The following RAB19 variants were observed in gnomAD, a reference collection of about 807,000 sequenced individuals.
RAB19 encodes the protein ras-related protein Rab-19.
RAB19 carries 21 observed loss-of-function variants against 17.3 expected under a neutral mutation model. The observed-to-expected ratio is 1.21, with a 90% CI of 0.86 to 1.74. The LOEUF is 1.74. RAB19 is among the 40% of genes most tolerant of loss of function. The pLI, the probability that RAB19 is intolerant of heterozygous loss-of-function variation, is 0.00. For missense variants in RAB19, 277 were observed against 286.8 expected (o/e 0.97, Z 0.25); for synonymous variants, 126 against 110.4 (o/e 1.14, Z -0.88).
intron 3 of RAB19, among the ~76,000 whole-genome samples, chr7:140,413,614 A>G (rs551514518): frequency 6.6e-6 from 1 of 152,164 alleles, no homozygotes; most frequent in African/African-American, 2.4e-5. Context: ...GGTGGGGGGA[A>G]TCACTTGAGC....
intron 1 of RAB19, among the ~76,000 whole-genome samples, chr7:140,405,433 G>A (rs1585409829): frequency 6.6e-6 from 1 of 151,954 alleles, no homozygotes; most frequent in South Asian, 2.1e-4. Context: ...TGTTGGCCAA[G>A]CTGATCTTGA....
chr7:140,407,880 CTTTTTTTTTTTTTTTT>C lies in RAB19; in HGVS notation c.201+44_201+59del, dbSNP rs71170993. 1.9e-5 allele frequency: 12 copies of C among 637,322 alleles called. No homozygotes were observed. The Admixed American group carries it at 3.5e-4, about 19-fold the overall frequency. The allele number at this position is 637,322 out of a possible 1,614,324, so 39.5% of individuals were successfully genotyped here. ...GGCACCGGGACGGGACTGGTTCCACCTTTTTTTTTTTTTTTTTTTTTTTTTTCCTTGAGACGGAGTC... is the reference window on the plus strand; with the variant it reads ...GGCACCGGGACGGGACTGGTTCCACCTTTTTTTTTTCCTTGAGACGGAGTC... On this transcript the variant is annotated intron_variant, in intron 2 of 3. Coordinates refer to ENST00000537763, the MANE Select transcript of RAB19 (RefSeq NM_001008749.3).
intron 2 of RAB19, among the ~76,000 whole-genome samples, chr7:140,410,543 G>A (rs959534527): frequency 1.3e-5 from 2 of 151,834 alleles, no homozygotes; most frequent in Non-Finnish European, 1.5e-5. Context: ...AGCCAGGATG[G>A]TCTCGATCTC....
chr7:140,424,159 AT>A (rs201170019), intron 3 of RAB19, among the ~76,000 whole-genome samples: 32,252 of 118,508 alleles, frequency 0.27, 3,726 homozygotes, highest in Middle Eastern at 0.39. Flanking sequence ...CTGGCTGATA[AT>A]TTTTTTTTTT....
rs73735243 is a variant in RAB19, at chr7:140,410,985, A to G, written c.202-889A>G. The stretch of plus-strand genomic sequence containing the variant: ...CCTTTAAAATCAGAACAGTTCGGCC[A>G]GTATTATCACCTTTGCCAGTATTCA... On this transcript the variant is annotated intron_variant, in intron 2 of 3. Coordinates refer to ENST00000537763, the MANE Select transcript of RAB19 (RefSeq NM_001008749.3). 7.9e-4 allele frequency: 1,085 copies of G among 1,367,846 alleles called. 10 individuals carry two copies. In the African/African-American group the frequency reaches 0.014, roughly 18 times the overall value. The allele number at this position is 1,367,846 out of a possible 1,614,324, so 84.7% of individuals were successfully genotyped here. A position where few individuals can be genotyped will look rare whatever the true frequency, so the allele number is the denominator to read the frequency against.
intron 1 of RAB19, among the ~76,000 whole-genome samples, chr7:140,405,945 A>G (rs1334884510): frequency 3.3e-5 from 5 of 152,172 alleles, no homozygotes; most frequent in African/African-American, 1.2e-4. Flanking sequence ...ACTGTCATTA[A>G]AAACCTTTAT....
intron 1 of RAB19, among the ~76,000 whole-genome samples, chr7:140,404,942 G>A (rs1585409188): frequency 6.6e-6 from 1 of 152,218 alleles, no homozygotes; most frequent in Non-Finnish European, 1.5e-5. Context: ...AAACCTCATG[G>A]AGGGAGGTGT....
At chr7:140,411,681 A>G (rs6976288) in intron 2 of RAB19, 193 bp from the exon 3 acceptor site, 101,056 of 1,345,604 alleles carry the variant, frequency 0.075, 4,261 homozygotes, top group South Asian at 0.14. Context: ...GTCGTTCCCC[A>G]ACCAAGGAGG....
intron 1 of RAB19, among the ~76,000 whole-genome samples, chr7:140,407,384 G>A (rs902770319): frequency 3.3e-5 from 5 of 152,082 alleles, no homozygotes; most frequent in African/African-American, 4.8e-5. Context: ...GGTGTTGACC[G>A]TCCACTGGAC....
intron 3 of RAB19, among the ~76,000 whole-genome samples, chr7:140,425,593 A>C (rs1290001750): frequency 6.6e-6 from 1 of 151,978 alleles, no homozygotes; most frequent in East Asian, 1.9e-4. Context: ...GCGTGGTGGC[A>C]GGTGCCTGTA....
chr7:140,418,754 G>A, intron 3 of RAB19, among the ~76,000 whole-genome samples: 1 of 151,534 alleles, frequency 6.6e-6, no homozygotes, highest in South Asian at 2.1e-4. Flanking sequence ...AGCTACGCAG[G>A]AGGCTGAATT....
At chr7:140,418,665 C>G (rs568572932) in intron 3 of RAB19, among the ~76,000 whole-genome samples, 20 of 151,666 alleles carry the variant, frequency 1.3e-4, no homozygotes, top group African/African-American at 4.6e-4. Context: ...GTCGGACCAG[C>G]CTGAACAACA....
At chr7:140,416,926 AC>A in intron 3 of RAB19, among the ~76,000 whole-genome samples, 1 of 152,148 alleles carries the variant, frequency 6.6e-6, no homozygotes, top group South Asian at 2.1e-4. Flanking sequence ...CTCCGTCTCT[AC>A]AAAAAATAAA....
chr7:140,419,383 T>C (rs1323586510), intron 3 of RAB19, among the ~76,000 whole-genome samples: 1 of 149,948 alleles, frequency 6.7e-6, no homozygotes, highest in Non-Finnish European at 1.5e-5. Context: ...TTTGCTATTG[T>C]TTTGTACGTT....
chr7:140,405,387 A>G (rs1041461328), intron 1 of RAB19, among the ~76,000 whole-genome samples: 1 of 151,774 alleles, frequency 6.6e-6, no homozygotes, highest in African/African-American at 2.4e-5. Flanking sequence ...CGCCCGGCTA[A>G]TTTTTTGTAT....
chr7:140,410,790 G>A (rs1027851674), intron 2 of RAB19, among the ~76,000 whole-genome samples: 1 of 152,082 alleles, frequency 6.6e-6, no homozygotes, highest in Non-Finnish European at 1.5e-5. Context: ...TTTGGTGTAT[G>A]TTTGCAAACT....
chr7:140,413,241 G>A (rs891815120), intron 3 of RAB19, among the ~76,000 whole-genome samples: 9 of 152,110 alleles, frequency 5.9e-5, no homozygotes, highest in Non-Finnish European at 1.3e-4. Context: ...ATTGGTCTAT[G>A]TGTCTGTTTT....
rs1585438489 is a variant in RAB19 at position 140,426,794 on chromosome 7, C to T, written c.*644C>T. The stretch of plus-strand genomic sequence containing the variant: ...CTCTATTCTAGCAGGGCTGACTTGG[C>T]CACCCTCTTGGGATAGGGGAAGACA... On this transcript the variant is annotated 3_prime_UTR_variant, in exon 4 of 4. Transcript: ENST00000537763. Among the ~76,000 whole-genome samples the T allele has an allele frequency of 6.6e-6, 1 of 151,770 alleles. No homozygotes were observed. Among genetic ancestry groups the T allele is most frequent in the African/African-American group, 2.4e-5 (1 of 41,280 alleles).
intron 1 of RAB19, among the ~76,000 whole-genome samples, chr7:140,406,296 C>G (rs1233133975): frequency 6.7e-6 from 1 of 148,322 alleles, no homozygotes; most frequent in Non-Finnish European, 1.5e-5. Flanking sequence ...CAATGATACT[C>G]TCAGATAATT....
Sources: allele counts gnomAD v4.1 joint callset (sites outside exome capture counted in the v4.1 genomes callset), GRCh38; gene constraint gnomAD v4.1.1; transcripts MANE v1.5; gene names NCBI Gene and HGNC (gene_info 2026-07-23, HGNC 2026-07-21).